Variants in SNX24 observed in about 807,000 individuals in gnomAD.
SNX24 encodes sorting nexin-24.
Under a neutral mutation model 28.7 loss-of-function variants are expected in SNX24, and 22 were observed. That is an observed-to-expected ratio of 0.77 (90% CI 0.55 to 1.10). The LOEUF is 1.10. SNX24 is among the 50% of genes least tolerant of loss of function. SNX24 has a pLI of 0.00. For synonymous variants in SNX24, 69 were observed against 71.5 expected, an observed-to-expected ratio of 0.96 and a Z score of 0.18; for missense variants, 221 against 201.1, an observed-to-expected ratio of 1.10 and a Z score of -0.60.
intron 3 of SNX24, among the ~76,000 whole-genome samples, chr5:122,981,417 G>GTACTTT (rs1255537939): frequency 6.6e-6 from 1 of 152,064 alleles, no homozygotes; most frequent in Admixed American, 6.6e-5. Context: ...TGAAAAAGAT[G>GTACTTT]TACTTTTAAA....
intron 3 of SNX24, among the ~76,000 whole-genome samples, chr5:122,978,558 G>A (rs1561686689): frequency 6.6e-6 from 1 of 152,106 alleles, no homozygotes; most frequent in Non-Finnish European, 1.5e-5. Flanking sequence ...CTTTTTTAGT[G>A]TTTTCAGTTT....
In SNX24 at chr5:122,944,344, C is replaced by T. The variant is rs147789571; in HGVS notation, c.145-1711C>T. On this transcript the variant is annotated intron_variant, in intron 2 of 6. Transcript: ENST00000261369. ...AGTAGACATGTACACATATTGGTAACTCTGTCACCTGGTCACCCTAATTAA... is the reference window on the plus strand; with the variant it reads ...AGTAGACATGTACACATATTGGTAATTCTGTCACCTGGTCACCCTAATTAA... 2.8e-3 allele frequency among the ~76,000 whole-genome samples: 420 copies of T among 152,298 alleles called. 2 individuals carry two copies. The highest frequency in any genetic ancestry group is 9.6e-3 in the African/African-American group (401 of 41,560).
At chr5:122,885,648 C>T (rs1257735442) in intron 1 of SNX24, among the ~76,000 whole-genome samples, 1 of 152,172 alleles carries the variant, frequency 6.6e-6, no homozygotes, top group African/African-American at 2.4e-5. Flanking sequence ...CAAGCAGCTC[C>T]TCCTTTCCTT....
intron 5 of SNX24, chr5:123,028,863 T>G (rs1762901816): frequency 6.2e-7 from 1 of 1,604,894 alleles, no homozygotes; most frequent in Non-Finnish European, 8.5e-7. Context: ...TATATCCATA[T>G]CCTTTCTAAA....
intron 3 of SNX24, among the ~76,000 whole-genome samples, chr5:122,949,298 A>T (rs941625848): frequency 6.6e-6 from 1 of 152,196 alleles, no homozygotes; most frequent in Non-Finnish European, 1.5e-5. Flanking sequence ...TAAACATATC[A>T]TATTAGTCTT....
At chr5:122,987,242 A>G (rs1035549906) in intron 3 of SNX24, among the ~76,000 whole-genome samples, 1 of 152,154 alleles carries the variant, frequency 6.6e-6, no homozygotes, top group South Asian at 2.1e-4. Flanking sequence ...CTAGAGCAAT[A>G]GTTTTCGAGT....
chr5:122,921,945 A>G (rs1048004899), intron 1 of SNX24, among the ~76,000 whole-genome samples: 16 of 152,154 alleles, frequency 1.1e-4, no homozygotes, highest in Non-Finnish European at 8.8e-5. Flanking sequence ...TTTGGGGTAA[A>G]AGAAATCAAT....
chr5:123,000,965 C>G (rs984789564), intron 4 of SNX24, among the ~76,000 whole-genome samples: 1 of 152,240 alleles, frequency 6.6e-6, no homozygotes, highest in Non-Finnish European at 1.5e-5. Context: ...TCCTCATGAG[C>G]ACTGTTTACT....
At chr5:123,001,562 T>C (rs1762247679) in intron 5 of SNX24, 125 bp downstream of exon 5, 4 of 731,662 alleles carry the variant, frequency 5.5e-6, no homozygotes, top group South Asian at 5.4e-5. Flanking sequence ...TTTAAGATTA[T>C]AAATATTTGA....
intron 2 of SNX24, 34 bp downstream of exon 2, chr5:122,936,851 A>G (rs1036726755): frequency 1.5e-6 from 2 of 1,329,450 alleles, no homozygotes; most frequent in Admixed American, 1.7e-5. Context: ...TCTTTTCTCT[A>G]TGTGGCAGAT....
chr5:123,028,813 A>T (rs958119802), intron 5 of SNX24: 1 of 1,613,900 alleles, frequency 6.2e-7, no homozygotes, highest in African/African-American at 1.3e-5. Flanking sequence ...ACCTCCTTGA[A>T]TCATGAAATC....
At chr5:123,012,445 T>C (rs1357929276), downstream of SNX24, among the ~76,000 whole-genome samples, 2 of 152,188 alleles carry the variant, frequency 1.3e-5, no homozygotes, top group Non-Finnish European at 2.9e-5. Context: ...CTATGAAGTA[T>C]CTAGCGTAGT....
At chr5:122,875,449 C>T (rs1313109840) in intron 1 of SNX24, among the ~76,000 whole-genome samples, 1 of 152,180 alleles carries the variant, frequency 6.6e-6, no homozygotes, top group African/African-American at 2.4e-5. Context: ...TTGCTTGGGG[C>T]TTATGCAGTC....
intron 1 of SNX24, among the ~76,000 whole-genome samples, chr5:122,921,176 G>A (rs537027086): frequency 7.7e-4 from 117 of 151,294 alleles, no homozygotes; most frequent in Middle Eastern, 3.4e-3. Flanking sequence ...TTTAACAAAA[G>A]CATATCTTTC....
At chr5:122,981,942 A>T (rs1761412680) in intron 3 of SNX24, among the ~76,000 whole-genome samples, 1 of 152,234 alleles carries the variant, frequency 6.6e-6, no homozygotes, top group African/African-American at 2.4e-5. Flanking sequence ...GCTATATCTT[A>T]AAATGTGGAT....
intron 2 of SNX24, among the ~76,000 whole-genome samples, chr5:122,937,391 G>A (rs1396152382): frequency 6.6e-6 from 1 of 152,138 alleles, no homozygotes; most frequent in Non-Finnish European, 1.5e-5. Context: ...TTCTTTAAAA[G>A]TCTTAGATAA....
chr5:122,988,279 G>A (rs1450602468), intron 3 of SNX24, among the ~76,000 whole-genome samples: 1 of 152,190 alleles, frequency 6.6e-6, no homozygotes, highest in African/African-American at 2.4e-5. Context: ...GTGTACTAGG[G>A]ATAACCATAG....
downstream of SNX24, among the ~76,000 whole-genome samples, chr5:123,011,125 T>A (rs1035286667): frequency 6.6e-6 from 1 of 151,768 alleles, no homozygotes; most frequent in African/African-American, 2.4e-5. Flanking sequence ...TGGGGAAATA[T>A]CAAAAACTTT....
At chr5:122,914,454 T>C (rs1383423236) in intron 1 of SNX24, among the ~76,000 whole-genome samples, 7 of 151,804 alleles carry the variant, frequency 4.6e-5, no homozygotes, top group African/African-American at 1.7e-4. Context: ...TTGATTGGAA[T>C]AGTTTCAGAA....
Sources: allele counts gnomAD v4.1 joint callset (sites outside exome capture counted in the v4.1 genomes callset), GRCh38; gene constraint gnomAD v4.1.1; transcripts MANE v1.5; gene names NCBI Gene and HGNC (gene_info 2026-07-23, HGNC 2026-07-21).